The following C6orf52 variants were observed in gnomAD, a reference collection of about 807,000 sequenced individuals.
The protein encoded by C6orf52 is chromosome 6 open reading frame 52, also known as putative uncharacterized protein C6orf52.
A neutral mutation model predicts 16.6 loss-of-function variants in C6orf52; 16 were observed. That is an observed-to-expected ratio of 0.96 (90% confidence interval 0.65 to 1.46). The LOEUF is 1.46. C6orf52 is among the 40% of genes most tolerant of loss of function. The probability of loss-of-function intolerance (pLI) is 0.00; values close to 1 mark genes in which losing one functional copy is unlikely to be tolerated. For synonymous variants in C6orf52, 53 were observed against 61.4 expected, an observed-to-expected ratio of 0.86 and a Z score of 0.64; for missense variants, 166 against 182.3, an observed-to-expected ratio of 0.91 and a Z score of 0.52.
chr6:10,678,488 A>C (rs1311629227), intron 4 of C6orf52, among the ~76,000 whole-genome samples: 1 of 152,244 alleles, frequency 6.6e-6, no homozygotes, highest in Non-Finnish European at 1.5e-5. Flanking sequence ...ATACAAAATT[A>C]ATAAGTTTAT....
chr6:10,688,960 T>C (rs1458652284), intron 1 of C6orf52, among the ~76,000 whole-genome samples: 1 of 151,962 alleles, frequency 6.6e-6, no homozygotes, highest in Non-Finnish European at 1.5e-5. Context: ...TACAGGCATC[T>C]GGCACCACGC....
chr6:10,692,501 C>T (rs1009389469), intron 1 of C6orf52, among the ~76,000 whole-genome samples: 6 of 152,178 alleles, frequency 3.9e-5, no homozygotes, highest in Admixed American at 2.6e-4. Flanking sequence ...AGTGCAGTGG[C>T]GGGATCTCGG....
At chr6:10,686,930 C>A in intron 3 of C6orf52, 36 bp downstream of exon 3, 2 of 1,424,938 alleles carry the variant, frequency 1.4e-6, no homozygotes, top group South Asian at 1.3e-5. Context: ...TTATTGGGCA[C>A]ACGAATGACA....
chr6:10,689,530 G>A (rs1207331738), intron 1 of C6orf52, among the ~76,000 whole-genome samples: 3 of 152,206 alleles, frequency 2.0e-5, no homozygotes, highest in African/African-American at 7.2e-5. Flanking sequence ...ATAGGCCCAA[G>A]CTAAAAGACT....
chr6:10,672,338 T>C (rs908828222), intron 4 of C6orf52, among the ~76,000 whole-genome samples: 6 of 152,220 alleles, frequency 3.9e-5, no homozygotes, highest in Non-Finnish European at 5.9e-5. Flanking sequence ...AATACTCATA[T>C]GGGTTCATGC....
chr6:10,672,431 G>C, intron 4 of C6orf52: 2 of 527,686 alleles, frequency 3.8e-6, no homozygotes, highest in Non-Finnish European at 6.7e-6. Context: ...CAATGTGAAG[G>C]CATTTGGAGA....
rs372131380 is a variant in C6orf52, at chr6:10,692,721, CATTTT to C, written c.-12+1768_-12+1772del. On this transcript the variant is annotated intron_variant, in intron 1 of 4. Coordinates refer to ENST00000259983, the MANE Select transcript of C6orf52 (RefSeq NM_001145020.3). The stretch of plus-strand genomic sequence containing the variant: ...GCATGCGTGAGCCACTGCGTCTGGC[CATTTT>C]ATTTTATTTTTTGAGACAGAGTCCT... 1.3e-3 allele frequency among the ~76,000 whole-genome samples: 202 copies of C among 152,124 alleles called. 1 individual carries two copies. In the South Asian group the frequency reaches 0.02, roughly 15 times the overall value.
rs768415908 is a variant in C6orf52, at chr6:10,671,630, T to C, written c.317-32A>G. On this transcript the variant is annotated intron_variant, in intron 4 of 4. Coordinates refer to ENST00000259983, the MANE Select transcript of C6orf52 (RefSeq NM_001145020.3). ...AAGCCAATAATGGATATGAAAAAAA[T>C]AGAGTTTTACAGGACACATACTAGA... is the stretch of plus-strand genomic sequence containing the variant. The C allele has an allele frequency of 6.3e-5, 92 of 1,468,624 alleles. 1 individual carries two copies. In the South Asian group the frequency reaches 9.5e-4, roughly 15 times the overall value. 91.0% of individuals were successfully genotyped at this position (1,468,624 alleles called of 1,614,324 possible). A position where few individuals can be genotyped will look rare whatever the true frequency, so the allele number is the denominator to read the frequency against.
chr6:10,694,739 C>T, upstream of C6orf52: 1 of 403,736 alleles, frequency 2.5e-6, no homozygotes, highest in Admixed American at 4.3e-5. Context: ...CGATTTTTTT[C>T]TCCTTGCAGT....
chr6:10,682,392 ATTTCT>A (rs1414377357), intron 4 of C6orf52, among the ~76,000 whole-genome samples: 1 of 152,204 alleles, frequency 6.6e-6, no homozygotes, highest in East Asian at 1.9e-4. Flanking sequence ...GCATATAAAC[ATTTCT>A]TTTCAACACC....
At chr6:10,686,829 T>G in intron 3 of C6orf52, 137 bp downstream of exon 3, 1 of 642,296 alleles carries the variant, frequency 1.6e-6, no homozygotes, top group Non-Finnish European at 2.7e-6. Context: ...AGCTTTACTC[T>G]CTAGTATTAA....
chr6:10,687,821 T>C (rs911017641), intron 1 of C6orf52, among the ~76,000 whole-genome samples: 2 of 152,036 alleles, frequency 1.3e-5, no homozygotes, highest in South Asian at 2.1e-4. Context: ...AGCCCCTCTC[T>C]CCCAACTGTC....
intron 4 of C6orf52, among the ~76,000 whole-genome samples, chr6:10,680,387 T>C (rs952522570): frequency 6.6e-6 from 1 of 152,234 alleles, no homozygotes. Context: ...TCATGACAGA[T>C]GATTTTGTCA....
At chr6:10,683,089 T>C (rs1768548999) in intron 4 of C6orf52, 98 bp downstream of exon 4, 1 of 776,666 alleles carries the variant, frequency 1.3e-6, no homozygotes, top group East Asian at 3.0e-5. Flanking sequence ...ACATTGGAAT[T>C]TTCCAATAGA....
chr6:10,691,270 C>T (rs1769273443), intron 1 of C6orf52, among the ~76,000 whole-genome samples: 2 of 152,144 alleles, frequency 1.3e-5, no homozygotes, highest in African/African-American at 2.4e-5. Context: ...GGGCTTTATT[C>T]GGCCGGGATC....
chr6:10,675,464 A>T lies in C6orf52; in HGVS notation c.317-3866T>A, dbSNP rs569925914. The stretch of plus-strand genomic sequence containing the variant: ...TTTAGTTTGATTCTGTATCTTGGCT[A>T]TTGTGAATAGTGCTGCAATAGACAC... On this transcript the variant is annotated intron_variant, in intron 4 of 4. Transcript: ENST00000259983. 2.6e-5 allele frequency among the ~76,000 whole-genome samples: 4 copies of T among 152,274 alleles called. No individual in the cohort carries two copies. The South Asian group carries it at 6.2e-4, about 24-fold the overall frequency.
chr6:10,675,294 C>T (rs565184912), intron 4 of C6orf52, among the ~76,000 whole-genome samples: 3 of 152,218 alleles, frequency 2.0e-5, no homozygotes, highest in African/African-American at 7.2e-5. Context: ...TTTGTTCTTC[C>T]GTGCCTGGTT....
chr6:10,680,016 G>A (rs1768236814), intron 4 of C6orf52, among the ~76,000 whole-genome samples: 1 of 152,242 alleles, frequency 6.6e-6, no homozygotes, highest in Admixed American at 6.5e-5. Flanking sequence ...ACTCTGGGAG[G>A]CTGAGGCAGG....
At chr6:10,688,760 T>C (rs951319666) in intron 1 of C6orf52, among the ~76,000 whole-genome samples, 37 of 152,228 alleles carry the variant, frequency 2.4e-4, no homozygotes, top group African/African-American at 8.7e-4. Context: ...GTATCCAGCA[T>C]GTGGCAAATT....
Sources: allele counts gnomAD v4.1 joint callset (sites outside exome capture counted in the v4.1 genomes callset), GRCh38; gene constraint gnomAD v4.1.1; transcripts MANE v1.5; gene names NCBI Gene and HGNC (gene_info 2026-07-23, HGNC 2026-07-21).